Variants in CACNA1G observed in about 807,000 individuals in gnomAD.
The protein encoded by CACNA1G is voltage-dependent T-type calcium channel subunit alpha-1G.
In CACNA1G, 67 loss-of-function variants were observed where a neutral mutation model predicts 219.4. That is an observed-to-expected ratio of 0.31 (90% confidence interval 0.25 to 0.37). The LOEUF (loss-of-function observed/expected upper bound fraction) is 0.37, where lower values mean the gene tolerates loss of function less well. Among genes scored for constraint, CACNA1G ranks in the 10% least tolerant of loss-of-function variants. The pLI is 1.00. For missense variants in CACNA1G, 2,380 were observed against 3,231.4 expected (o/e 0.74, Z 6.39); for synonymous variants, 1,296 against 1,345.3 (o/e 0.96, Z 0.80).
Position 50,567,237 on chromosome 17 carries a change from T to C in CACNA1G, c.243-1633T>C, listed in dbSNP as rs115871456. ...CTGCCTACCCCCAAAAACCTAGAAC[T>C]TTTTTCTTAAACCCTCTTATTCTTG... On this transcript the variant is annotated intron_variant, in intron 1 of 37. Coordinates refer to ENST00000359106, the MANE Select transcript of CACNA1G (RefSeq NM_018896.5). Among the ~76,000 whole-genome samples the C allele has an allele frequency of 6.3e-3, 955 of 152,284 alleles. 3 individuals are homozygous for C. Among genetic ancestry groups the C allele is most frequent in the African/African-American group, 0.023 (936 of 41,550 alleles).
chr17:50,585,792 C>T (rs1356094294), intron 9 of CACNA1G, among the ~76,000 whole-genome samples: 4 of 152,218 alleles, frequency 2.6e-5, no homozygotes, highest in African/African-American at 7.2e-5. Context: ...AGACTTGCCT[C>T]CCACTGACCC....
Position 50,616,240 on chromosome 17 carries a change from T to G in CACNA1G, c.4912-35T>G. ...GGGGACAAGCCCCAGCCCTGGGCCTTAAGGGACCCTGCATCTTGCCCCCAT... is the reference window on the plus strand; with the variant it reads ...GGGGACAAGCCCCAGCCCTGGGCCTGAAGGGACCCTGCATCTTGCCCCCAT... On this transcript the variant is annotated intron_variant, in intron 27 of 37. Coordinates refer to ENST00000359106, the MANE Select transcript of CACNA1G (RefSeq NM_018896.5). The G allele has an allele frequency of 2.2e-6, 3 of 1,378,330 alleles. No individual in the cohort carries two copies. The Middle Eastern group carries it at 5.9e-4, about 272-fold the overall frequency. 85.4% of individuals were successfully genotyped at this position (1,378,330 alleles called of 1,614,324 possible).
rs530521318 is a variant in CACNA1G at position 50,578,303 on chromosome 17, C to A, written c.2040C>A (p.Leu680=). 2 of 1,613,080 alleles carry A rather than the reference C, an allele frequency of 1.2e-6. No individual in the cohort carries two copies. Among genetic ancestry groups the A allele is most frequent in the Non-Finnish European group, 8.5e-7 (1 of 1,179,850 alleles). The change falls in exon 9 of 38, where the codon CTC becomes CTA. Residue 680 remains leucine, a synonymous_variant. Coordinates refer to ENST00000359106, the MANE Select transcript of CACNA1G (RefSeq NM_018896.5). The surrounding 1 kb of genome is among the most constrained non-coding windows in gnomAD (Gnocchi z 4.5). ...CARAGAGEVE[L]ADREMPDSDS... is the part of the protein sequence containing the mutation. ...GGGCCGGGGCAGGGGAGGTGGAGCT[C>A]GCCGACCGTGAAATGCCTGACTCAG...
chr17:50,606,927 T>C lies in CACNA1G; in HGVS notation c.4450T>C (p.Ser1484Pro). 1 of 1,613,828 alleles carries C rather than the reference T, an allele frequency of 6.2e-7. No individual in the cohort carries two copies. Among genetic ancestry groups the C allele is most frequent in the South Asian group, 1.1e-5 (1 of 91,076 alleles). Residue 1484 changes from serine (S) to proline (P), a missense_variant, in exon 24 of 38, where the codon TCC (serine) becomes CCC (proline). Coordinates refer to ENST00000359106, the MANE Select transcript of CACNA1G (RefSeq NM_018896.5). ...QALMSLFVLA[S>P]KDGWVDIMYD... ...CCTGATGTCCCTGTTCGTTTTGGCCTCCAAGGATGGTTGGGTGGACATCAT... is the reference window on the plus strand; with the variant it reads ...CCTGATGTCCCTGTTCGTTTTGGCCCCCAAGGATGGTTGGGTGGACATCAT...
At chr17:50,583,704 G>A (rs115373349) in intron 9 of CACNA1G, among the ~76,000 whole-genome samples, 62 of 152,138 alleles carry the variant, frequency 4.1e-4, no homozygotes, top group African/African-American at 1.4e-3. Flanking sequence ...TAGGAGCAGA[G>A]AGATCTAGGT....
Position 50,586,826 on chromosome 17 carries a change from C to G in CACNA1G, c.2302-3645C>G, listed in dbSNP as rs562804872. On this transcript the variant is annotated intron_variant, in intron 9 of 37. Transcript: ENST00000359106. ...TGGAGCAGCTATGAGGCTTGGGGAG[C>G]CCCGGTGCTGGGAAGTACTGAGCAG... 2.6e-5 allele frequency among the ~76,000 whole-genome samples: 4 copies of G among 152,322 alleles called. No homozygotes were observed. The East Asian group carries it at 7.7e-4, about 29-fold the overall frequency.
Position 50,569,693 on chromosome 17 carries a change from C to T in CACNA1G, c.489-13C>T, listed in dbSNP as rs752997929. The T allele has an allele frequency of 1.2e-5, 18 of 1,542,862 alleles. No homozygotes were observed. In the Admixed American group the frequency reaches 2.6e-4, roughly 22 times the overall value. On this transcript the variant is annotated splice_polypyrimidine_tract_variant and intron_variant, in intron 3 of 37. Coordinates refer to ENST00000359106, the MANE Select transcript of CACNA1G (RefSeq NM_018896.5). ...CAGACTCAAAGGGCCTCCCTTTGGG[C>T]CCCTCCCTGCAGGATGCTGGAGTAC...
At position 50,576,299 on chromosome 17, in the gene CACNA1G, C is replaced by A; in HGVS notation, c.1897C>A (p.His633Asn). 6.3e-7 allele frequency: 1 copy of A among 1,578,168 alleles called. No individual in the cohort carries two copies. The highest frequency in any genetic ancestry group is 8.6e-7 in the Non-Finnish European group (1 of 1,162,394). ...CCCACCCGGGCCCTACAGCTCCATG[C>A]ACAAGCTGCTGGAGACACAGAGTAC... Reference protein sequence around the residue: ...NIPPGPYSSMHKLLETQSTGA... With the variant: ...NIPPGPYSSMNKLLETQSTGA... Residue 633 changes from histidine to asparagine, a missense_variant, in exon 8 of 38, where the codon CAC (histidine) becomes AAC (asparagine). Around this residue, in one of 17 missense-constraint regions of CACNA1G, gnomAD observed 434 missense variants for 417.3 expected, o/e 1.04. Coordinates refer to ENST00000359106, the MANE Select transcript of CACNA1G (RefSeq NM_018896.5).
chr17:50,611,305 T>C (rs1002708558), intron 26 of CACNA1G, among the ~76,000 whole-genome samples: 1 of 149,330 alleles, frequency 6.7e-6, no homozygotes, highest in South Asian at 2.1e-4. Context: ...AGGACCCCCA[T>C]GGCTGCTGCA....
At chr17:50,588,129 G>A (rs1490367587) in intron 9 of CACNA1G, among the ~76,000 whole-genome samples, 1 of 152,136 alleles carries the variant, frequency 6.6e-6, no homozygotes, top group Non-Finnish European at 1.5e-5. Context: ...CCCATTATAA[G>A]CGTACCTCAG....
intron 10 of CACNA1G, among the ~76,000 whole-genome samples, chr17:50,591,167 A>C (rs1265361121): frequency 1.3e-5 from 2 of 152,248 alleles, no homozygotes; most frequent in Non-Finnish European, 2.9e-5. Flanking sequence ...AACTTGATGC[A>C]GTTGCATTGG....
chr17:50,620,384 C>T (rs575512216), intron 34 of CACNA1G, among the ~76,000 whole-genome samples: 1 of 152,260 alleles, frequency 6.6e-6, no homozygotes. Flanking sequence ...AAGGCTCCAG[C>T]TGGGAGTGGA....
intron 9 of CACNA1G, among the ~76,000 whole-genome samples, chr17:50,585,080 G>C (rs1489907678): frequency 1.3e-5 from 2 of 152,172 alleles, no homozygotes; most frequent in East Asian, 1.9e-4. Flanking sequence ...GTGGCCTACT[G>C]TGGCCCACCA....
intron 7 of CACNA1G, among the ~76,000 whole-genome samples, chr17:50,574,952 GGACA>G (rs2040314802): frequency 6.6e-6 from 1 of 152,060 alleles, no homozygotes. Context: ...GGGAAAATGG[GGACA>G]GACAAGGCCA....
chr17:50,565,125 G>A (rs1005042712), intron 1 of CACNA1G, among the ~76,000 whole-genome samples: 4 of 129,038 alleles, frequency 3.1e-5, no homozygotes, highest in East Asian at 2.0e-4. Context: ...ACATGCGCAC[G>A]CGCGCGCACA....
chr17:50,596,724 G>C lies in CACNA1G; in HGVS notation c.3065-6G>C, dbSNP rs534069682. 4 of 1,613,110 alleles carry C rather than the reference G, an allele frequency of 2.5e-6. No homozygotes were observed. Among genetic ancestry groups the C allele is most frequent in the Admixed American group, 1.7e-5 (1 of 59,936 alleles). On this transcript the variant is annotated splice_region_variant and splice_polypyrimidine_tract_variant and intron_variant, in intron 15 of 37. Transcript: ENST00000359106. This position sits in a 1 kb window ranked among gnomAD's most constrained non-coding sequence, Gnocchi z 4.8. ...ACTCGGGATCTCTCCCTCTCTCCCC[G>C]TGCAGTGGTGTCCCTGGGAGAGCAC...
intron 9 of CACNA1G, among the ~76,000 whole-genome samples, chr17:50,579,251 T>C (rs1479253340): frequency 6.6e-6 from 1 of 152,156 alleles, no homozygotes. Flanking sequence ...AGGCAAGCTG[T>C]CTTCAAATAT....
rs774740752 is a variant in CACNA1G, at chr17:50,578,408, C to T, written c.2145C>T (p.Ser715=). 3.1e-6 allele frequency: 5 copies of T among 1,613,158 alleles called. No individual in the cohort carries two copies. In the African/African-American group the frequency reaches 4.0e-5, roughly 13 times the overall value. The change falls in exon 9 of 38, where the codon AGC becomes AGT. Residue 715 remains serine, a synonymous_variant. Transcript: ENST00000359106. The surrounding 1 kb of genome is among the most constrained non-coding windows in gnomAD (Gnocchi z 4.5). ...LRDPHSRRQR[S]LGPDAEPSSV... ...ACCCCCACAGCCGGCGGCAACGGAG[C>T]CTGGGCCCAGATGCAGAGCCCAGCT... is the stretch of plus-strand genomic sequence containing the variant.
At position 50,578,362 on chromosome 17, in the gene CACNA1G, C is replaced by T. The variant is rs1449604575; in HGVS notation, c.2099C>T (p.Ala700Val). 6.2e-7 allele frequency: 1 copy of T among 1,612,818 alleles called. No individual in the cohort carries two copies. The highest frequency in any genetic ancestry group is 2.2e-5 in the East Asian group (1 of 44,872). Residue 700 changes from alanine to valine, a missense_variant, in exon 9 of 38, where the codon GCC (alanine) becomes GTC (valine). Ala to Val is a moderately conservative substitution (Grantham distance 64). Transcript: ENST00000359106. The surrounding 1 kb of genome is among the most constrained non-coding windows in gnomAD (Gnocchi z 4.5). ...SEAVYEFTQD[A>V]QHSDLRDPHS... ...GCAGTTTATGAGTTCACACAGGATGCCCAGCACAGCGACCTCCGGGACCCC... is the reference window on the plus strand; with the variant it reads ...GCAGTTTATGAGTTCACACAGGATGTCCAGCACAGCGACCTCCGGGACCCC...
Sources: gnomAD v4.1 joint callset for allele counts (sites outside exome capture counted in the v4.1 genomes callset) on GRCh38, gnomAD v4.1.1 for gene constraint, gnomAD v4.1.1 regional missense constraint, Gnocchi (gnomAD v3.1) non-coding constraint, MANE v1.5 for transcripts, NCBI Gene and HGNC (gene_info 2026-07-23, HGNC 2026-07-21) for gene names.